MPHOSPH6: variants seen among roughly 807,000 people sequenced by gnomAD.
MPHOSPH6 encodes the protein M-phase phosphoprotein 6.
Under a neutral mutation model 21.8 loss-of-function variants are expected in MPHOSPH6, and 25 were observed. The observed-to-expected ratio is 1.15, with a 90% confidence interval of 0.83 to 1.60. MPHOSPH6 has a LOEUF of 1.60. Among genes scored for constraint, MPHOSPH6 ranks in the 40% most tolerant of loss-of-function variants. MPHOSPH6 has a pLI of 0.00. For synonymous variants in MPHOSPH6, 84 were observed against 56.5 expected (o/e 1.49, Z -2.18); for missense variants, 269 against 181.8 (o/e 1.48, Z -2.76).
Position 82,148,622 on chromosome 16 carries a change from C to G in MPHOSPH6, c.*109G>C, listed in dbSNP as rs545393700. 1.2e-4 allele frequency: 157 copies of G among 1,313,998 alleles called. No homozygotes were observed. Among genetic ancestry groups the G allele is most frequent in the Non-Finnish European group, 1.6e-4 (152 of 973,018 alleles). The allele number at this position is 1,313,998 out of a possible 1,614,324, so 81.4% of individuals were successfully genotyped here. ...TGTTTCTAAAATGATAATCTCTTTACAAGTAAACGTTACAGTATTAATAAC... is the reference window on the plus strand; with the variant it reads ...TGTTTCTAAAATGATAATCTCTTTAGAAGTAAACGTTACAGTATTAATAAC... On this transcript the variant is annotated 3_prime_UTR_variant, in exon 5 of 5. Transcript: ENST00000258169.
chr16:82,148,991 C>G (rs1906177029), intron 4 of MPHOSPH6, 128 bp from the exon 5 acceptor site: 1 of 1,230,544 alleles, frequency 8.1e-7, no homozygotes, highest in Non-Finnish European at 1.1e-6. Flanking sequence ...TTAAAAGAAA[C>G]CATCTGATTT....
intron 1 of MPHOSPH6, among the ~76,000 whole-genome samples, chr16:82,168,344 C>T (rs757414715): frequency 6.6e-6 from 1 of 152,174 alleles, no homozygotes; most frequent in African/African-American, 2.4e-5. Context: ...TGCTAATATG[C>T]ATGAAAGTGC....
chr16:82,167,895 C>G (rs77186949), intron 1 of MPHOSPH6, among the ~76,000 whole-genome samples: 3,045 of 152,196 alleles, frequency 0.02, 119 homozygotes, highest in African/African-American at 0.069. Context: ...GGTTGGGGAC[C>G]CATGCTATAT....
intron 1 of MPHOSPH6, 58 bp from the exon 2 acceptor site, chr16:82,164,252 C>T (rs6564994): frequency 9.3e-5 from 104 of 1,120,524 alleles, no homozygotes; most frequent in Non-Finnish European, 1.3e-4. Context: ...ACTGAGGAAA[C>T]CCCAAATAAT....
chr16:82,149,441 A>C (rs1906192243), intron 3 of MPHOSPH6, 38 bp from the exon 4 acceptor site: 1 of 1,583,724 alleles, frequency 6.3e-7, no homozygotes, highest in Non-Finnish European at 8.6e-7. Flanking sequence ...AGGCTAGAAA[A>C]CGCTTGTGAA....
At chr16:82,168,981 G>A (rs536006861) in intron 1 of MPHOSPH6, among the ~76,000 whole-genome samples, 1 of 152,130 alleles carries the variant, frequency 6.6e-6, no homozygotes, top group African/African-American at 2.4e-5. Context: ...GTAACTTTGG[G>A]TAAATTACTT....
At chr16:82,155,792 C>A (rs1906409111) in intron 2 of MPHOSPH6, among the ~76,000 whole-genome samples, 1 of 151,920 alleles carries the variant, frequency 6.6e-6, no homozygotes, top group African/African-American at 2.4e-5. Context: ...GTAATCTCAG[C>A]TACTCAGGAG....
At position 82,169,028 on chromosome 16, in the gene MPHOSPH6, T is replaced by A. The variant is rs537098599; in HGVS notation, c.51+1097A>T. On this transcript the variant is annotated intron_variant, in intron 1 of 4. Transcript: ENST00000258169. ...AGTTGCCTTAGCTGTAAGAAGAGAG[T>A]TACTGCCTGTAGTCACCTCAAAGTG... is the stretch of plus-strand genomic sequence containing the variant. 9.2e-5 allele frequency among the ~76,000 whole-genome samples: 14 copies of A among 152,280 alleles called. No individual in the cohort carries two copies. The South Asian group carries it at 1.5e-3, about 16-fold the overall frequency.
At chr16:82,151,791 A>G (rs1274302436) in intron 2 of MPHOSPH6, among the ~76,000 whole-genome samples, 1 of 152,250 alleles carries the variant, frequency 6.6e-6, no homozygotes, top group Non-Finnish European at 1.5e-5. Flanking sequence ...AAGTATTGAC[A>G]ATAAACTTGA....
At chr16:82,153,710 T>C (rs771525830) in intron 2 of MPHOSPH6, among the ~76,000 whole-genome samples, 70 of 152,152 alleles carry the variant, frequency 4.6e-4, no homozygotes, top group South Asian at 1.7e-3. Context: ...TCTTTAGACT[T>C]AGGGAAAAAG....
Position 82,153,298 on chromosome 16 carries a change from C to T in MPHOSPH6, c.165-1784G>A, listed in dbSNP as rs528547594. ...GAGTAATTGGTATGGAACTAGCTTT[C>T]CTGCACCATAATTATATAAAACAGG... On this transcript the variant is annotated intron_variant, in intron 2 of 4. Transcript: ENST00000258169. Among the ~76,000 whole-genome samples the T allele has an allele frequency of 2.4e-4, 37 of 152,306 alleles. No homozygotes were observed. In the South Asian group the frequency reaches 3.9e-3, roughly 16 times the overall value.
intron 2 of MPHOSPH6, among the ~76,000 whole-genome samples, chr16:82,151,820 A>C (rs1242902090): frequency 6.6e-6 from 1 of 152,258 alleles, no homozygotes; most frequent in East Asian, 1.9e-4. Context: ...AAGTTGAAGC[A>C]AAGTTTCTTT....
intron 1 of MPHOSPH6, among the ~76,000 whole-genome samples, chr16:82,167,792 T>C (rs1906833251): frequency 6.6e-6 from 1 of 152,212 alleles, no homozygotes; most frequent in South Asian, 2.1e-4. Flanking sequence ...TAAATACAGA[T>C]GAAGTTTCGC....
At chr16:82,165,768 G>C (rs1034365286) in intron 1 of MPHOSPH6, among the ~76,000 whole-genome samples, 6 of 25,292 alleles carry the variant, frequency 2.4e-4, no homozygotes, top group African/African-American at 3.7e-4. Flanking sequence ...GCCTAAGTGT[G>C]TGGTAGGCTA....
chr16:82,153,609 G>A (rs990737866), intron 2 of MPHOSPH6, among the ~76,000 whole-genome samples: 4 of 152,208 alleles, frequency 2.6e-5, no homozygotes, highest in Non-Finnish European at 5.9e-5. Context: ...GGATACCACT[G>A]AAAGGGAGCT....
In MPHOSPH6 at chr16:82,148,860, A is replaced by G. The variant is rs752598670; in HGVS notation, c.354T>C (p.Tyr118=). 6.8e-6 allele frequency: 11 copies of G among 1,614,026 alleles called. No homozygotes were observed. The highest frequency in any genetic ancestry group is 4.0e-5 in the African/African-American group (3 of 74,920). ...DVSDEEMARR[Y]ETLVGTIGKK... ...TCCCAATTGTCCCCACCAAGGTCTC[A>G]TATCTGTCAAGAGGACAGGCAGCAC... The change falls in exon 5 of 5, where the codon TAT becomes TAC. Residue 118 remains tyrosine (Y), a synonymous_variant. Transcript: ENST00000258169.
At chr16:82,165,168 C>T (rs566725465) in intron 1 of MPHOSPH6, among the ~76,000 whole-genome samples, 8 of 132,946 alleles carry the variant, frequency 6.0e-5, no homozygotes, top group Non-Finnish European at 9.2e-5. Context: ...CACTCTGTCG[C>T]CCAGGCTGGA....
rs148877742 is a variant in MPHOSPH6, at chr16:82,159,804, T to C, written c.164+4278A>G. The stretch of plus-strand genomic sequence containing the variant: ...GGTTCCTCTCTCACTGGCCCTCTAG[T>C]CTGGCTAGAAACTCACTTACTTCAG... On this transcript the variant is annotated intron_variant, in intron 2 of 4. Coordinates refer to ENST00000258169, the MANE Select transcript of MPHOSPH6 (RefSeq NM_005792.2). 2.6e-3 allele frequency among the ~76,000 whole-genome samples: 401 copies of C among 152,314 alleles called. 2 individuals are homozygous for C. Among genetic ancestry groups the C allele is most frequent in the Middle Eastern group, 0.017 (5 of 294 alleles).
chr16:82,154,394 G>C (rs1251908504), intron 2 of MPHOSPH6, among the ~76,000 whole-genome samples: 1 of 152,126 alleles, frequency 6.6e-6, no homozygotes, highest in Non-Finnish European at 1.5e-5. Flanking sequence ...CAGGTAGTCA[G>C]CAATGTAATA....
Sources: gnomAD v4.1 joint callset for allele counts (sites outside exome capture counted in the v4.1 genomes callset) on GRCh38, gnomAD v4.1.1 for gene constraint, MANE v1.5 for transcripts, NCBI Gene and HGNC (gene_info 2026-07-23, HGNC 2026-07-21) for gene names.